The following CRTAC1 variants were observed in gnomAD, a reference collection of about 807,000 sequenced individuals.
The protein encoded by CRTAC1 is cartilage acidic protein 1.
Under a neutral mutation model 67.8 loss-of-function variants are expected in CRTAC1, and 37 were observed. The ratio of observed to expected loss-of-function variants is 0.55; its 90% CI spans 0.42 to 0.72. CRTAC1 has a LOEUF of 0.72. Among genes scored for constraint, CRTAC1 ranks in the 30% least tolerant of loss-of-function variants. CRTAC1 has a pLI of 0.00. For synonymous variants in CRTAC1, 348 were observed against 371.0 expected, an observed-to-expected ratio of 0.94 and a Z score of 0.71; for missense variants, 780 against 931.6, an observed-to-expected ratio of 0.84 and a Z score of 2.12.
intron 5 of CRTAC1, among the ~76,000 whole-genome samples, chr10:97,916,720 T>C (rs2050764322): frequency 1.3e-5 from 2 of 152,204 alleles, no homozygotes; most frequent in East Asian, 3.8e-4. Flanking sequence ...GCAGGTCTGG[T>C]ATGAATGTGG....
chr10:97,901,179 C>T (rs2050534982), intron 8 of CRTAC1, among the ~76,000 whole-genome samples: 1 of 151,946 alleles, frequency 6.6e-6, no homozygotes, highest in Non-Finnish European at 1.5e-5. Flanking sequence ...GTGATTGGAC[C>T]CTGTAGCCCC....
chr10:98,026,553 G>A (rs1178278373), intron 1 of CRTAC1, among the ~76,000 whole-genome samples: 1 of 152,032 alleles, frequency 6.6e-6, no homozygotes, highest in African/African-American at 2.4e-5. Flanking sequence ...GAGCTGGTGA[G>A]ATCTCAAGCA....
intron 3 of CRTAC1, among the ~76,000 whole-genome samples, chr10:97,924,325 G>A (rs574020430): frequency 3.9e-5 from 6 of 152,304 alleles, no homozygotes; most frequent in South Asian, 2.1e-4. Context: ...GGGGGTCCTC[G>A]TTCTACCCCC....
intron 2 of CRTAC1, among the ~76,000 whole-genome samples, chr10:97,979,451 C>T (rs1362022671): frequency 6.6e-6 from 1 of 152,212 alleles, no homozygotes; most frequent in Non-Finnish European, 1.5e-5. Flanking sequence ...TTTGGTGTCC[C>T]ATCAGGAGCT....
At chr10:97,962,957 T>C (rs1321639278) in intron 2 of CRTAC1, among the ~76,000 whole-genome samples, 1 of 151,970 alleles carries the variant, frequency 6.6e-6, no homozygotes, top group Non-Finnish European at 1.5e-5. Flanking sequence ...GAGACTGCAC[T>C]GAGAAACCCA....
intron 5 of CRTAC1, among the ~76,000 whole-genome samples, chr10:97,911,607 C>T (rs1232005683): frequency 6.6e-6 from 1 of 152,210 alleles, no homozygotes; most frequent in Non-Finnish European, 1.5e-5. Context: ...GTGGGGCAGC[C>T]AGGTACCTGC....
rs564219129 is a variant in CRTAC1 at position 97,905,160 on chromosome 10, G to A, written c.851-346C>T. Among the ~76,000 whole-genome samples, 5 of 152,306 alleles carry A rather than the reference G, an allele frequency of 3.3e-5. No individual in the cohort carries two copies. In the East Asian group the frequency reaches 7.7e-4, roughly 24 times the overall value. On this transcript the variant is annotated intron_variant, in intron 6 of 14. Coordinates refer to ENST00000370597, the MANE Select transcript of CRTAC1 (RefSeq NM_018058.7). ...CCCGGCCACCCCTAACACTGCCACT[G>A]GAAGACATTAAGCTGATCATGCCAC...
intron 14 of CRTAC1, among the ~76,000 whole-genome samples, chr10:97,873,565 C>T (rs779304422): frequency 6.6e-6 from 1 of 152,078 alleles, no homozygotes; most frequent in Non-Finnish European, 1.5e-5. Context: ...TGCTTTTTTC[C>T]TGTTCCAGGA....
At chr10:97,871,077 C>T (rs754416912) in intron 14 of CRTAC1, 3 of 152,152 alleles carry the variant, frequency 2.0e-5, no homozygotes, top group Admixed American at 6.5e-5. Flanking sequence ...GCCCAGCCTT[C>T]GGAGGTTTCC....
intron 8 of CRTAC1, among the ~76,000 whole-genome samples, chr10:97,899,776 T>TG (rs1242440129): frequency 1.3e-5 from 2 of 152,114 alleles, no homozygotes; most frequent in African/African-American, 4.8e-5. Context: ...GTAGGGGTCT[T>TG]GGGGGGCCGA....
At chr10:97,881,970 C>G (rs186753759) in intron 13 of CRTAC1, among the ~76,000 whole-genome samples, 2 of 152,332 alleles carry the variant, frequency 1.3e-5, no homozygotes, top group East Asian at 1.9e-4. Context: ...TGCCCTCCCC[C>G]ATCTGGGCCC....
intron 2 of CRTAC1, among the ~76,000 whole-genome samples, chr10:98,003,574 C>G (rs1842732389): frequency 6.6e-6 from 1 of 152,242 alleles, no homozygotes; most frequent in Non-Finnish European, 1.5e-5. Context: ...TCTTCTCCCA[C>G]TTTTAAGACC....
chr10:97,911,525 G>A (rs1048957385), intron 5 of CRTAC1, among the ~76,000 whole-genome samples: 5 of 152,138 alleles, frequency 3.3e-5, no homozygotes, highest in Admixed American at 2.6e-4. Flanking sequence ...CAGGTGAGTC[G>A]ACAGTCAGGA....
At chr10:97,997,091 G>C (rs201652974) in intron 2 of CRTAC1, among the ~76,000 whole-genome samples, 11,867 of 109,256 alleles carry the variant, frequency 0.11, 559 homozygotes, top group South Asian at 0.16. Flanking sequence ...GTTGTGGGGT[G>C]GGGGGAGGGG....
chr10:98,022,896 A>G (rs1359812752), intron 1 of CRTAC1, among the ~76,000 whole-genome samples: 1 of 152,204 alleles, frequency 6.6e-6, no homozygotes, highest in Non-Finnish European at 1.5e-5. Flanking sequence ...GGGGTGGGGT[A>G]GGGCACTGGA....
At chr10:97,959,221 A>G (rs1056744718) in intron 2 of CRTAC1, among the ~76,000 whole-genome samples, 1 of 152,218 alleles carries the variant, frequency 6.6e-6, no homozygotes, top group Non-Finnish European at 1.5e-5. Flanking sequence ...ACAAATCTGC[A>G]TAGAATCATA....
intron 2 of CRTAC1, among the ~76,000 whole-genome samples, chr10:97,969,995 T>C (rs1050484970): frequency 1.3e-5 from 2 of 152,176 alleles, no homozygotes; most frequent in Admixed American, 6.5e-5. Flanking sequence ...CTTGAATGTT[T>C]AATAGATATT....
intron 2 of CRTAC1, among the ~76,000 whole-genome samples, chr10:97,950,233 GCACA>G (rs58716155): frequency 0.06 from 7,503 of 125,658 alleles, 369 homozygotes; most frequent in African/African-American, 0.075. Context: ...GCATGTACGT[GCACA>G]CACACACACA....
chr10:97,915,363 G>A (rs1055725983), intron 5 of CRTAC1, among the ~76,000 whole-genome samples: 6 of 152,212 alleles, frequency 3.9e-5, no homozygotes, highest in African/African-American at 1.2e-4. Context: ...CTGGATCTCC[G>A]TCTGTTCTTT....
Sources: gnomAD v4.1 joint callset for allele counts (sites outside exome capture counted in the v4.1 genomes callset) on GRCh38, gnomAD v4.1.1 for gene constraint, MANE v1.5 for transcripts, NCBI Gene and HGNC (gene_info 2026-07-23, HGNC 2026-07-21) for gene names.